Variants in SAMD8 observed in about 807,000 individuals in gnomAD.
SAMD8 encodes the protein sphingomyelin synthase-related protein 1.
Under a neutral mutation model 42.0 loss-of-function variants are expected in SAMD8, and 20 were observed. The ratio of observed to expected loss-of-function variants is 0.48; its 90% CI spans 0.34 to 0.69. The LOEUF is 0.69. SAMD8 is among the 30% of genes least tolerant of loss of function. The pLI is 0.01. For missense variants in SAMD8, 328 were observed against 511.6 expected, an observed-to-expected ratio of 0.64 and a Z score of 3.46; for synonymous variants, 162 against 173.0, an observed-to-expected ratio of 0.94 and a Z score of 0.50.
At chr10:75,106,907 G>C (rs1250165985), upstream of SAMD8, among the ~76,000 whole-genome samples, 1 of 152,238 alleles carries the variant, frequency 6.6e-6, no homozygotes, top group African/African-American at 2.4e-5. Context: ...TCCAGAAAGG[G>C]ACACTGGCTT....
intron 1 of SAMD8, among the ~76,000 whole-genome samples, chr10:75,099,926 G>A (rs1260015892): frequency 2.6e-5 from 4 of 152,122 alleles, no homozygotes; most frequent in South Asian, 4.2e-4. Context: ...CTGGATATGC[G>A]GTCACTGCAG....
chr10:75,156,772 A>C (rs912096021), intron 2 of SAMD8, among the ~76,000 whole-genome samples: 1 of 152,162 alleles, frequency 6.6e-6, no homozygotes, highest in Non-Finnish European at 1.5e-5. Context: ...ATCCAGGGGG[A>C]AATGTAAGGG....
chr10:75,164,247 A>G (rs1269729739), intron 2 of SAMD8, among the ~76,000 whole-genome samples: 1 of 152,216 alleles, frequency 6.6e-6, no homozygotes, highest in East Asian at 1.9e-4. Context: ...ACAACAAAGC[A>G]TCAAGTTCAA....
At chr10:75,112,557 G>A (rs966502121) in intron 1 of SAMD8, among the ~76,000 whole-genome samples, 2 of 152,176 alleles carry the variant, frequency 1.3e-5, no homozygotes, top group African/African-American at 4.8e-5. Flanking sequence ...GAGAGGAAGT[G>A]ATGTTTGAAG....
upstream of SAMD8, chr10:75,108,316 A>G: frequency 6.8e-7 from 1 of 1,478,244 alleles, no homozygotes; most frequent in Non-Finnish European, 8.9e-7. Flanking sequence ...GGGTCCAAAG[A>G]GAGTCCAACC....
chr10:75,136,720 G>T (rs536126080), intron 1 of SAMD8, among the ~76,000 whole-genome samples: 1 of 152,116 alleles, frequency 6.6e-6, no homozygotes, highest in Non-Finnish European at 1.5e-5. Context: ...TTGAGAATGC[G>T]CCATCTCAAT....
upstream of SAMD8, among the ~76,000 whole-genome samples, chr10:75,108,441 C>G (rs1848653921): frequency 6.6e-6 from 1 of 152,180 alleles, no homozygotes; most frequent in African/African-American, 2.4e-5. Flanking sequence ...TCTTTGCTTC[C>G]TCAATGCATC....
chr10:75,147,711 C>T (rs901094849), intron 1 of SAMD8, among the ~76,000 whole-genome samples: 3 of 151,986 alleles, frequency 2.0e-5, no homozygotes, highest in African/African-American at 7.3e-5. Flanking sequence ...GTTGGATATC[C>T]AAGGATGAAG....
At chr10:75,172,235 G>C (rs1840884681) in intron 4 of SAMD8, among the ~76,000 whole-genome samples, 1 of 151,974 alleles carries the variant, frequency 6.6e-6, no homozygotes, top group African/African-American at 2.4e-5. Context: ...TTCTGTGCAT[G>C]GTGTGCGCAG....
At chr10:75,120,774 CTTTTTTTT>C (rs111866437) in intron 1 of SAMD8, among the ~76,000 whole-genome samples, 71 of 80,140 alleles carry the variant, frequency 8.9e-4, no homozygotes, top group Non-Finnish European at 2.0e-4. Context: ...TAATTTCCAT[CTTTTTTTT>C]TTTTTTTTTT....
chr10:75,113,125 G>A (rs1020838003), intron 1 of SAMD8, among the ~76,000 whole-genome samples: 6 of 152,216 alleles, frequency 3.9e-5, no homozygotes, highest in Non-Finnish European at 7.3e-5. Flanking sequence ...CAACACAACT[G>A]GGACAGGTGG....
chr10:75,153,282 C>A (rs1371585049), intron 2 of SAMD8, among the ~76,000 whole-genome samples: 2 of 151,998 alleles, frequency 1.3e-5, no homozygotes, highest in East Asian at 3.9e-4. Context: ...GCGCTTGGCC[C>A]CTTGTTTGTT....
intron 1 of SAMD8, among the ~76,000 whole-genome samples, chr10:75,129,933 A>C (rs1222349190): frequency 1.3e-5 from 2 of 152,216 alleles, no homozygotes; most frequent in Non-Finnish European, 2.9e-5. Context: ...GACACTAGCA[A>C]GATGTGATGA....
intron 1 of SAMD8, among the ~76,000 whole-genome samples, chr10:75,112,116 C>T (rs904730549): frequency 2.3e-4 from 35 of 152,158 alleles, no homozygotes; most frequent in Admixed American, 2.0e-3. Flanking sequence ...AGGAGCAAGA[C>T]CTGGGCCGGT....
rs1054198708 is a variant in SAMD8, at chr10:75,181,270, G to A, written c.*4578G>A. Reference sequence around the variant, plus strand: ...TTAGCCTGAATTATCCCATACTGCTGTAGAGGAGAATTGTTAGTAACATCA... The same window carrying A: ...TTAGCCTGAATTATCCCATACTGCTATAGAGGAGAATTGTTAGTAACATCA... On this transcript the variant is annotated 3_prime_UTR_variant, in exon 6 of 6. Coordinates refer to ENST00000542569, the MANE Select transcript of SAMD8 (RefSeq NM_001174156.2). The A allele has an allele frequency of 1.3e-5, 2 of 152,222 alleles. No individual in the cohort carries two copies. The highest frequency in any genetic ancestry group is 1.3e-4 in the Admixed American group (2 of 15,282). 9.4% of individuals were successfully genotyped at this position (152,222 alleles called of 1,614,324 possible).
At chr10:75,148,346 CTTTTT>C (rs60024591) in intron 1 of SAMD8, among the ~76,000 whole-genome samples, 23,708 of 80,646 alleles carry the variant, frequency 0.29, 1,922 homozygotes, top group East Asian at 0.54. Context: ...GCAATACCAG[CTTTTT>C]TTTTTTTTTT....
At chr10:75,126,006 T>C (rs1485162892) in intron 1 of SAMD8, 1 of 152,240 alleles carries the variant, frequency 6.6e-6, no homozygotes, top group Non-Finnish European at 1.5e-5. Context: ...ATCTTGTTAT[T>C]CCCCTGTGCC....
At chr10:75,103,910 C>T in intron 1 of SAMD8, 1 of 1,312,286 alleles carries the variant, frequency 7.6e-7, no homozygotes, top group African/African-American at 1.5e-5. Flanking sequence ...AGACTGAAGA[C>T]AGTGGCTGAG....
At chr10:75,153,771 T>G (rs1840349041) in intron 2 of SAMD8, among the ~76,000 whole-genome samples, 1 of 151,774 alleles carries the variant, frequency 6.6e-6, no homozygotes, top group Admixed American at 6.6e-5. Flanking sequence ...AGAGGTTTTT[T>G]TTTTTGTTTT....
Sources: gnomAD v4.1 joint callset for allele counts (sites outside exome capture counted in the v4.1 genomes callset) on GRCh38, gnomAD v4.1.1 for gene constraint, MANE v1.5 for transcripts, NCBI Gene and HGNC (gene_info 2026-07-23, HGNC 2026-07-21) for gene names.